The following KCTD6 variants were observed in gnomAD, a reference collection of about 807,000 sequenced individuals.
The protein encoded by KCTD6 is BTB/POZ domain-containing protein KCTD6.
Under a neutral mutation model 18.7 loss-of-function variants are expected in KCTD6, and 6 were observed. The observed-to-expected ratio is 0.32, with a 90% confidence interval of 0.18 to 0.63. The LOEUF (loss-of-function observed/expected upper bound fraction) is 0.63, where lower values mean the gene tolerates loss of function less well. Among genes scored for constraint, KCTD6 ranks in the 30% least tolerant of loss-of-function variants. The pLI is 0.79. For synonymous variants in KCTD6, 86 were observed against 108.5 expected (o/e 0.79, Z 1.29); for missense variants, 165 against 300.2 (o/e 0.55, Z 3.33).
Position 58,501,473 on chromosome 3 carries a change from C to T in KCTD6, c.555C>T (p.His185=). 1 of 1,517,100 alleles carries T rather than the reference C, an allele frequency of 6.6e-7. No individual in the cohort carries two copies. Among genetic ancestry groups the T allele is most frequent in the Middle Eastern group, 1.8e-4 (1 of 5,614 alleles). 94.0% of individuals were successfully genotyped at this position (1,517,100 alleles called of 1,614,324 possible). A position where few individuals can be genotyped will look rare whatever the true frequency, so the allele number is the denominator to read the frequency against. Residue 185 remains histidine, a synonymous_variant, in exon 3 of 3, where the codon CAC becomes CAT. Coordinates refer to ENST00000404589, the MANE Select transcript of KCTD6 (RefSeq NM_001128214.2). The surrounding 1 kb of genome is among the most constrained non-coding windows in gnomAD (Gnocchi z 9.7). ...TTACTTTTGGACCCTGTGATTATCA[C>T]CAGGAAGTTTCTCTTAGGGTCCACC... The part of the protein sequence containing the change: ...VSFTFGPCDY[H]QEVSLRVHLM...
chr3:58,497,981 T>C lies in KCTD6; in HGVS notation c.-43-732T>C, dbSNP rs2063186845. On this transcript the variant is annotated intron_variant, in intron 1 of 2. Coordinates refer to ENST00000404589, the MANE Select transcript of KCTD6 (RefSeq NM_001128214.2). The surrounding 1 kb of genome is among the most constrained non-coding windows in gnomAD (Gnocchi z 4.2). ...TCCCTTCTCCCTTTTTCTTTTCTTT[T>C]CTTTTTTTTTTTTTTTTTGAGATGG... is the stretch of plus-strand genomic sequence containing the variant. 1 of 149,122 alleles carries C rather than the reference T, an allele frequency of 6.7e-6. No homozygotes were observed. Among genetic ancestry groups the C allele is most frequent in the African/African-American group, 2.4e-5 (1 of 40,908 alleles). The allele number at this position is 149,122 out of a possible 1,614,324, so 9.2% of individuals were successfully genotyped here.
At chr3:58,500,267 A>G (rs1486569586) in intron 2 of KCTD6, 1 of 141,888 alleles carries the variant, frequency 7.0e-6, no homozygotes, top group Non-Finnish European at 1.5e-5. Flanking sequence ...TCAGGCCACC[A>G]CACCCAGTGA....
At position 58,493,485 on chromosome 3, in the gene KCTD6, T is replaced by C. The variant is rs1189698700; in HGVS notation, c.-44+1316T>C. 6.6e-6 allele frequency among the ~76,000 whole-genome samples: 1 copy of C among 152,238 alleles called. No homozygotes were observed. The highest frequency in any genetic ancestry group is 1.9e-4 in the East Asian group (1 of 5,198). On this transcript the variant is annotated intron_variant, in intron 1 of 2. Coordinates refer to ENST00000404589, the MANE Select transcript of KCTD6 (RefSeq NM_001128214.2). The surrounding 1 kb of genome is among the most constrained non-coding windows in gnomAD (Gnocchi z 4.5). ...GTACCTGTATGTATTTGGATTCAGC[T>C]TTAACTTGGAGATAATCCCGAGTCA...
rs1221455588 is a variant in KCTD6, at chr3:58,501,333, A to G, written c.415A>G (p.Ile139Val). ...LSKYSNPVAVIITQLTITTKV... is the reference protein window; with the variant it reads ...LSKYSNPVAVVITQLTITTKV... ...TAAGTACTCCAACCCAGTGGCTGTC[A>G]TCATAACGCAACTAACCATCACCAC... Residue 139 changes from isoleucine (I) to valine (V), a missense_variant, in exon 3 of 3, where the codon ATC (isoleucine) becomes GTC (valine). Ile to Val is a conservative substitution (Grantham distance 29, BLOSUM62 3). Transcript: ENST00000404589. The surrounding 1 kb of genome is among the most constrained non-coding windows in gnomAD (Gnocchi z 9.7). The G allele has an allele frequency of 3.7e-6, 6 of 1,608,774 alleles. No homozygotes were observed. Among genetic ancestry groups the G allele is most frequent in the Non-Finnish European group, 5.1e-6 (6 of 1,178,220 alleles).
rs925027979 is a variant in KCTD6, at chr3:58,493,883, G to A, written c.-44+1714G>A. 6.6e-6 allele frequency: 1 copy of A among 152,100 alleles called. No homozygotes were observed. The highest frequency in any genetic ancestry group is 1.5e-5 in the Non-Finnish European group (1 of 68,028). 9.4% of individuals were successfully genotyped at this position (152,100 alleles called of 1,614,324 possible). A position where few individuals can be genotyped will look rare whatever the true frequency, so the allele number is the denominator to read the frequency against. On this transcript the variant is annotated intron_variant, in intron 1 of 2. Transcript: ENST00000404589. The surrounding 1 kb of genome is among the most constrained non-coding windows in gnomAD (Gnocchi z 4.5). ...TGGGCATAAAGAGTGATTTTCTCAG[G>A]GTCTCATAATCAGTAACGGAGCAGA...
rs1294352632 is a variant in KCTD6, at chr3:58,496,221, G to T, written c.-43-2492G>T. On this transcript the variant is annotated intron_variant, in intron 1 of 2. Coordinates refer to ENST00000404589, the MANE Select transcript of KCTD6 (RefSeq NM_001128214.2). This position sits in a 1 kb window ranked among gnomAD's most constrained non-coding sequence, Gnocchi z 5.1. ...AAAATTTGTAAATAAAACCCTACTG[G>T]ATGGATAGGGTTAATAGATGGCTAT... Among the ~76,000 whole-genome samples, 1 of 152,134 alleles carries T rather than the reference G, an allele frequency of 6.6e-6. No homozygotes were observed. The highest frequency in any genetic ancestry group is 1.5e-5 in the Non-Finnish European group (1 of 68,022).
At chr3:58,500,414 C>G (rs962461032) in intron 2 of KCTD6, 2 of 152,006 alleles carry the variant, frequency 1.3e-5, no homozygotes, top group African/African-American at 4.8e-5. Flanking sequence ...GTATGAGCCA[C>G]TGTACCTGGC....
At chr3:58,500,830 A>T in intron 2 of KCTD6, 116 bp from the exon 3 acceptor site, 5 of 650,688 alleles carry the variant, frequency 7.7e-6, no homozygotes, top group Non-Finnish European at 1.0e-5. Context: ...AGGATTACTA[A>T]ATACATTATA....
In KCTD6 at chr3:58,501,479, A is replaced by G. The variant is rs1399890012; in HGVS notation, c.561A>G (p.Glu187=). The stretch of plus-strand genomic sequence containing the variant: ...TTGGACCCTGTGATTATCACCAGGA[A>G]GTTTCTCTTAGGGTCCACCTGATGG... ...FTFGPCDYHQ[E]VSLRVHLMEY... The change falls in exon 3 of 3, where the codon GAA becomes GAG. Residue 187 remains glutamate, a synonymous_variant. Transcript: ENST00000404589. This position sits in a 1 kb window ranked among gnomAD's most constrained non-coding sequence, Gnocchi z 9.7. 1 of 1,517,456 alleles carries G rather than the reference A, an allele frequency of 6.6e-7. No homozygotes were observed. Among genetic ancestry groups the G allele is most frequent in the South Asian group, 1.3e-5 (1 of 74,292 alleles). The allele number at this position is 1,517,456 out of a possible 1,614,324, so 94.0% of individuals were successfully genotyped here.
rs2063162809 is a variant in KCTD6 at position 58,493,257 on chromosome 3, T to G, written c.-44+1088T>G. Among the ~76,000 whole-genome samples the G allele has an allele frequency of 6.6e-6, 1 of 152,250 alleles. No homozygotes were observed. On this transcript the variant is annotated intron_variant, in intron 1 of 2. Transcript: ENST00000404589. The surrounding 1 kb of genome is among the most constrained non-coding windows in gnomAD (Gnocchi z 4.5). Reference sequence around the variant, plus strand: ...TTTGGCCGAAACCATCAGTCCATACTGATACTTGATTTTGTGCTATGCCTT... The same window carrying G: ...TTTGGCCGAAACCATCAGTCCATACGGATACTTGATTTTGTGCTATGCCTT...
At chr3:58,500,350 T>TAC (rs1208569931) in intron 2 of KCTD6, 3 of 150,174 alleles carry the variant, frequency 2.0e-5, no homozygotes, top group Non-Finnish European at 4.4e-5. Flanking sequence ...GGTCTTGAAC[T>TAC]CCTGAGCTCA....
intron 1 of KCTD6, among the ~76,000 whole-genome samples, chr3:58,495,822 G>C (rs1383321644): frequency 6.7e-6 from 1 of 149,212 alleles, no homozygotes; most frequent in African/African-American, 2.5e-5. Flanking sequence ...TTACATCTTT[G>C]TACCGGAACT....
At position 58,501,813 on chromosome 3, in the gene KCTD6, C is replaced by T. The variant is rs1285180679; in HGVS notation, c.*181C>T. The stretch of plus-strand genomic sequence containing the variant: ...AGACTCCTCCATGTTTTGTTCCCTT[C>T]CCCCTGAGTATGCATGTGCCTGTTC... On this transcript the variant is annotated 3_prime_UTR_variant, in exon 3 of 3. Coordinates refer to ENST00000404589, the MANE Select transcript of KCTD6 (RefSeq NM_001128214.2). This position sits in a 1 kb window ranked among gnomAD's most constrained non-coding sequence, Gnocchi z 9.7. 1 of 403,414 alleles carries T rather than the reference C, an allele frequency of 2.5e-6. No homozygotes were observed. 25.0% of individuals were successfully genotyped at this position (403,414 alleles called of 1,614,324 possible).
rs959130190 is a variant in KCTD6 at position 58,494,278 on chromosome 3, C to T, written c.-44+2109C>T. 7 of 152,172 alleles carry T rather than the reference C, an allele frequency of 4.6e-5. 1 individual carries two copies. Among genetic ancestry groups the T allele is most frequent in the African/African-American group, 1.7e-4 (7 of 41,434 alleles). 9.4% of individuals were successfully genotyped at this position (152,172 alleles called of 1,614,324 possible). On this transcript the variant is annotated intron_variant, in intron 1 of 2. Transcript: ENST00000404589. ...ATCCTTGTATGCCTGGCTACTTATGCTGGCCTGTATGTGAATGTTAACCCC... is the reference window on the plus strand; with the variant it reads ...ATCCTTGTATGCCTGGCTACTTATGTTGGCCTGTATGTGAATGTTAACCCC...
rs1233391851 is a variant in KCTD6 at position 58,497,982 on chromosome 3, C to CTTTTTTTTTT, written c.-43-723_-43-714dup. 21 of 126,144 alleles carry CTTTTTTTTTT rather than the reference C, an allele frequency of 1.7e-4. No individual in the cohort carries two copies. The highest frequency in any genetic ancestry group is 4.6e-4 in the East Asian group (2 of 4,328). The allele number at this position is 126,144 out of a possible 1,614,324, so 7.8% of individuals were successfully genotyped here. A position where few individuals can be genotyped will look rare whatever the true frequency, so the allele number is the denominator to read the frequency against. The stretch of plus-strand genomic sequence containing the variant: ...CCCTTCTCCCTTTTTCTTTTCTTTT[C>CTTTTTTTTTT]TTTTTTTTTTTTTTTTTGAGATGGA... On this transcript the variant is annotated intron_variant, in intron 1 of 2. Coordinates refer to ENST00000404589, the MANE Select transcript of KCTD6 (RefSeq NM_001128214.2). The surrounding 1 kb of genome is among the most constrained non-coding windows in gnomAD (Gnocchi z 4.2).
chr3:58,498,956 T>C lies in KCTD6; in HGVS notation c.27+174T>C, dbSNP rs1164993317. On this transcript the variant is annotated intron_variant, in intron 2 of 2. Coordinates refer to ENST00000404589, the MANE Select transcript of KCTD6 (RefSeq NM_001128214.2). The surrounding 1 kb of genome is among the most constrained non-coding windows in gnomAD (Gnocchi z 4.6). The stretch of plus-strand genomic sequence containing the variant: ...ATTTTGGAGGCGTTTTTGTCTTGTG[T>C]GGTGTTTTTTAAATTTTTATTTAAT... Among the ~76,000 whole-genome samples the C allele has an allele frequency of 6.6e-6, 1 of 152,066 alleles. No individual in the cohort carries two copies. Among genetic ancestry groups the C allele is most frequent in the Non-Finnish European group, 1.5e-5 (1 of 68,012 alleles).
Position 58,493,456 on chromosome 3 carries a change from T to C in KCTD6, c.-44+1287T>C, listed in dbSNP as rs1426411011. Among the ~76,000 whole-genome samples, 1 of 152,230 alleles carries C rather than the reference T, an allele frequency of 6.6e-6. No individual in the cohort carries two copies. The highest frequency in any genetic ancestry group is 1.5e-5 in the Non-Finnish European group (1 of 68,038). ...TTTGATATTTGGGGTCCATTTAAAA[T>C]GGAGTACCTGTATGTATTTGGATTC... On this transcript the variant is annotated intron_variant, in intron 1 of 2. Coordinates refer to ENST00000404589, the MANE Select transcript of KCTD6 (RefSeq NM_001128214.2). The surrounding 1 kb of genome is among the most constrained non-coding windows in gnomAD (Gnocchi z 4.5).
In KCTD6 at chr3:58,501,039, A is replaced by G. The variant is rs1193234165; in HGVS notation, c.121A>G (p.Met41Val). The part of the protein sequence containing the change: ...TRYPDSMLGA[M>V]FGGDFPTARD... ...TTACCCGGATTCCATGCTTGGAGCT[A>G]TGTTTGGGGGGGACTTCCCCACAGC... is the stretch of plus-strand genomic sequence containing the variant. The change falls in exon 3 of 3, where the codon ATG becomes GTG. Residue 41 changes from methionine to valine, a missense_variant. Physicochemically the swap from Met to Val is conservative, Grantham distance 21. Around this residue, in one of 2 missense-constraint regions of KCTD6, gnomAD observed 59 missense variants for 69.9 expected, o/e 0.84. Transcript: ENST00000404589. The surrounding 1 kb of genome is among the most constrained non-coding windows in gnomAD (Gnocchi z 9.7). 5 of 1,613,976 alleles carry G rather than the reference A, an allele frequency of 3.1e-6. No individual in the cohort carries two copies. The highest frequency in any genetic ancestry group is 3.4e-6 in the Non-Finnish European group (4 of 1,179,910).
At chr3:58,495,265 C>T (rs2063170692) in intron 1 of KCTD6, among the ~76,000 whole-genome samples, 1 of 152,168 alleles carries the variant, frequency 6.6e-6, no homozygotes, top group South Asian at 2.1e-4. Context: ...CATTTAACTT[C>T]TCATTAAGCC....
Sources: gnomAD v4.1 joint callset for allele counts (sites outside exome capture counted in the v4.1 genomes callset) on GRCh38, gnomAD v4.1.1 for gene constraint, gnomAD v4.1.1 regional missense constraint, Gnocchi (gnomAD v3.1) non-coding constraint, MANE v1.5 for transcripts, NCBI Gene and HGNC (gene_info 2026-07-23, HGNC 2026-07-21) for gene names.